The following NRF1 variants were observed in gnomAD, a reference collection of about 807,000 sequenced individuals.
The protein encoded by NRF1 is nuclear respiratory factor 1.
NRF1 carries 5 observed loss-of-function variants against 58.5 expected under a neutral mutation model. The ratio of observed to expected loss-of-function variants is 0.09; its 90% CI spans 0.04 to 0.18. The LOEUF (loss-of-function observed/expected upper bound fraction) is 0.18, where lower values mean the gene tolerates loss of function less well. NRF1 is among the 10% of genes least tolerant of loss of function. The pLI, the probability that NRF1 is intolerant of heterozygous loss-of-function variation, is 1.00. For missense variants in NRF1, 288 were observed against 657.7 expected (o/e 0.44, Z 6.15); for synonymous variants, 224 against 246.7 (o/e 0.91, Z 0.86).
intron 1 of NRF1, among the ~76,000 whole-genome samples, chr7:129,629,475 A>G (rs1800999960): frequency 6.6e-6 from 1 of 151,996 alleles, no homozygotes; most frequent in South Asian, 2.1e-4. Flanking sequence ...GGGTTTTGCC[A>G]TGTTGGCCAG....
chr7:129,691,770 T>C (rs1802575038), intron 5 of NRF1, among the ~76,000 whole-genome samples: 1 of 152,160 alleles, frequency 6.6e-6, no homozygotes, highest in African/African-American at 2.4e-5. Context: ...CCTTAAAGCA[T>C]CTTCTCTCTG....
At chr7:129,613,930 A>G (rs1800601757) in intron 1 of NRF1, among the ~76,000 whole-genome samples, 1 of 152,104 alleles carries the variant, frequency 6.6e-6, no homozygotes, top group African/African-American at 2.4e-5. Context: ...TAAAAAAACA[A>G]AAACAAAAAC....
intron 5 of NRF1, among the ~76,000 whole-genome samples, 169 bp from the exon 6 acceptor site, chr7:129,708,906 T>C (rs1320931927): frequency 2.0e-5 from 3 of 152,106 alleles, no homozygotes; most frequent in Admixed American, 6.5e-5. Context: ...CAACCACCCA[T>C]GGAGATATAG....
At chr7:129,637,851 T>C (rs1801202064) in intron 1 of NRF1, among the ~76,000 whole-genome samples, 1 of 81,606 alleles carries the variant, frequency 1.2e-5, no homozygotes, top group Admixed American at 1.2e-4. Flanking sequence ...CATTATGAGA[T>C]TTTTTTGTGA....
intron 8 of NRF1, among the ~76,000 whole-genome samples, chr7:129,713,093 CT>C (rs536331873): frequency 0.013 from 1,695 of 130,146 alleles, 33 homozygotes; most frequent in African/African-American, 0.041. Flanking sequence ...GTTGCGTTTC[CT>C]TTTTTTTTTT....
intron 1 of NRF1, among the ~76,000 whole-genome samples, chr7:129,644,853 A>G (rs1053859552): frequency 1.3e-5 from 2 of 152,246 alleles, no homozygotes; most frequent in Admixed American, 6.5e-5. Flanking sequence ...TAGTCTATTT[A>G]TAATTTGAAT....
intron 5 of NRF1, among the ~76,000 whole-genome samples, chr7:129,694,496 C>T (rs911019550): frequency 3.3e-5 from 5 of 152,122 alleles, no homozygotes; most frequent in African/African-American, 9.7e-5. Context: ...TCCTGAGTAG[C>T]TGGGACTACA....
chr7:129,738,985 G>C (rs1316422830), intron 10 of NRF1, among the ~76,000 whole-genome samples: 1 of 152,210 alleles, frequency 6.6e-6, no homozygotes, highest in African/African-American at 2.4e-5. Flanking sequence ...GGTTATGCTA[G>C]TACTTGGTGT....
chr7:129,724,587 T>TCACAGCA (rs1803407668), intron 9 of NRF1, among the ~76,000 whole-genome samples: 1 of 152,266 alleles, frequency 6.6e-6, no homozygotes, highest in Admixed American at 6.5e-5. Context: ...ATGCCCATGT[T>TCACAGCA]CACAGCAGCA....
chr7:129,664,504 G>C (rs752906978), intron 2 of NRF1, among the ~76,000 whole-genome samples: 4 of 152,162 alleles, frequency 2.6e-5, no homozygotes, highest in Admixed American at 6.5e-5. Context: ...TGTATTTCCG[G>C]AGTGGTGAAT....
chr7:129,728,641 G>T (rs552579289), intron 10 of NRF1, among the ~76,000 whole-genome samples: 1 of 152,190 alleles, frequency 6.6e-6, no homozygotes, highest in African/African-American at 2.4e-5. Flanking sequence ...AGTTGGAAAA[G>T]TCTTTGAAGA....
intron 9 of NRF1, among the ~76,000 whole-genome samples, chr7:129,720,662 A>G (rs1322883132): frequency 1.3e-5 from 2 of 152,114 alleles, no homozygotes; most frequent in Non-Finnish European, 2.9e-5. Flanking sequence ...GGGAATAAGG[A>G]GGCAGAGGGG....
At chr7:129,695,174 A>G (rs1221406824) in intron 5 of NRF1, among the ~76,000 whole-genome samples, 1 of 151,794 alleles carries the variant, frequency 6.6e-6, no homozygotes, top group Non-Finnish European at 1.5e-5. Context: ...GGGAGATTTA[A>G]AAAAAATTCT....
chr7:129,635,387 T>G (rs1360046444), intron 1 of NRF1, among the ~76,000 whole-genome samples: 1 of 152,198 alleles, frequency 6.6e-6, no homozygotes, highest in Non-Finnish European at 1.5e-5. Context: ...TGTTTGTTTG[T>G]TTTTTAAGCA....
chr7:129,713,358 GGAT>G (rs1179911277), intron 8 of NRF1, among the ~76,000 whole-genome samples: 1 of 152,066 alleles, frequency 6.6e-6, no homozygotes, highest in Non-Finnish European at 1.5e-5. Context: ...CAAAGTGCTA[GGAT>G]GATATATAGT....
At chr7:129,675,545 G>A (rs1406090921) in intron 3 of NRF1, among the ~76,000 whole-genome samples, 1 of 152,144 alleles carries the variant, frequency 6.6e-6, no homozygotes, top group Non-Finnish European at 1.5e-5. Context: ...CTTGATCCAT[G>A]GGCTGCAGAA....
chr7:129,677,855 G>T, intron 4 of NRF1, 97 bp downstream of exon 4: 2 of 1,453,244 alleles, frequency 1.4e-6, no homozygotes, highest in Non-Finnish European at 1.9e-6. Context: ...TGGCATTTCT[G>T]TTACCCCCTA....
At chr7:129,754,048 C>A (rs1804186972) in intron 10 of NRF1, among the ~76,000 whole-genome samples, 1 of 152,154 alleles carries the variant, frequency 6.6e-6, no homozygotes, top group Non-Finnish European at 1.5e-5. Context: ...ACCTGACGGG[C>A]CTGTGCTTCC....
At chr7:129,668,589 G>A (rs1037576354) in intron 2 of NRF1, among the ~76,000 whole-genome samples, 1 of 152,156 alleles carries the variant, frequency 6.6e-6, no homozygotes, top group African/African-American at 2.4e-5. Context: ...AATAGTCCAA[G>A]TATCCATCAG....
Sources: gnomAD v4.1 joint callset for allele counts (sites outside exome capture counted in the v4.1 genomes callset) on GRCh38, gnomAD v4.1.1 for gene constraint, MANE v1.5 for transcripts, NCBI Gene and HGNC (gene_info 2026-07-23, HGNC 2026-07-21) for gene names.